PLD1: variants seen among roughly 807,000 people sequenced by gnomAD.
PLD1 encodes the protein phospholipase D1.
In PLD1, 112 loss-of-function variants were observed where a neutral mutation model predicts 137.1. The ratio of observed to expected loss-of-function variants is 0.82; its 90% CI spans 0.70 to 0.96. The LOEUF (loss-of-function observed/expected upper bound fraction) is 0.96. Among genes scored for constraint, PLD1 ranks in the 40% least tolerant of loss-of-function variants. PLD1 has a pLI of 0.00. For synonymous variants in PLD1, 431 were observed against 454.7 expected (o/e 0.95, Z 0.66); for missense variants, 1,321 against 1,342.0 (o/e 0.98, Z 0.24).
At chr3:171,777,010 C>T (rs1722614417) in intron 1 of PLD1, among the ~76,000 whole-genome samples, 4 of 151,988 alleles carry the variant, frequency 2.6e-5, no homozygotes, top group Admixed American at 1.3e-4. Context: ...TACATGACTT[C>T]CTTTTACACA....
chr3:171,736,767 G>GGCTA (rs1162721665), intron 3 of PLD1, among the ~76,000 whole-genome samples: 1 of 152,214 alleles, frequency 6.6e-6, no homozygotes, highest in African/African-American at 2.4e-5. Context: ...ACTCTGCCAT[G>GGCTA]GCTAGATCTT....
At chr3:171,709,512 A>T in intron 10 of PLD1, 48 bp downstream of exon 10, 1 of 1,558,468 alleles carries the variant, frequency 6.4e-7, no homozygotes, top group Non-Finnish European at 8.8e-7. Context: ...CCAGTGTAAT[A>T]TTAGATGCTA....
At chr3:171,670,486 T>G (rs1448660598) in intron 19 of PLD1, among the ~76,000 whole-genome samples, 1 of 152,218 alleles carries the variant, frequency 6.6e-6, no homozygotes, top group African/African-American at 2.4e-5. Flanking sequence ...AGCAATTCAT[T>G]CCCTACTTAC....
Position 171,764,874 on chromosome 3 carries a change from A to G in PLD1, c.-31-26792T>C, listed in dbSNP as rs1177256161. 1.9e-3 allele frequency among the ~76,000 whole-genome samples: 46 copies of G among 23,732 alleles called. 2 individuals carry two copies. Among genetic ancestry groups the G allele is most frequent in the African/African-American group, 4.0e-3 (23 of 5,710 alleles). The allele number at this position is 23,732 out of a possible 152,430, so 15.6% of individuals were successfully genotyped here. On this transcript the variant is annotated intron_variant, in intron 1 of 26. Coordinates refer to ENST00000351298, the MANE Select transcript of PLD1 (RefSeq NM_002662.5). ...AAGAAAGAAAGAAAGAAAGAAAGAAAGAAAGAAAGAAAGAAAGAAAGGAAG... is the reference window on the plus strand; with the variant it reads ...AAGAAAGAAAGAAAGAAAGAAAGAAGGAAAGAAAGAAAGAAAGAAAGGAAG...
chr3:171,723,911 C>A (rs1256481535), intron 8 of PLD1, among the ~76,000 whole-genome samples: 1 of 152,070 alleles, frequency 6.6e-6, no homozygotes, highest in Non-Finnish European at 1.5e-5. Flanking sequence ...TGGTTTATCT[C>A]TTCACTTTGT....
intron 1 of PLD1, among the ~76,000 whole-genome samples, chr3:171,767,158 T>A (rs1310212910): frequency 1.3e-5 from 2 of 152,238 alleles, no homozygotes; most frequent in African/African-American, 4.8e-5. Context: ...AGTGGCTTTA[T>A]TATTTTAGCC....
chr3:171,738,136 C>G, intron 1 of PLD1, 54 bp from the exon 2 acceptor site: 1 of 1,074,510 alleles, frequency 9.3e-7, no homozygotes. Flanking sequence ...ACATAAAATG[C>G]TATTCCACAA....
Position 171,733,493 on chromosome 3 carries a change from TA to T in PLD1, c.556del (p.Tyr186ThrfsTer2). The T allele has an allele frequency of 7.7e-7, 1 of 1,305,464 alleles. No individual in the cohort carries two copies. The highest frequency in any genetic ancestry group is 1.1e-6 in the Non-Finnish European group (1 of 903,406). 80.9% of individuals were successfully genotyped at this position (1,305,464 alleles called of 1,614,324 possible). ...GGGCATTTTTAGTATCTTTGTCAAG[TA>T]ATCTTCCAGTTGTTTCTGTAATGCA... ...FLGRRKQLED[Y>X]LTKILKMPMY... On this transcript the variant is annotated frameshift_variant, in exon 6 of 27. Transcript: ENST00000351298. LOFTEE classifies it high-confidence loss of function.
chr3:171,808,514 C>A (rs13072966), intron 1 of PLD1, among the ~76,000 whole-genome samples: 52,025 of 151,790 alleles, frequency 0.34, 9,293 homozygotes, highest in Middle Eastern at 0.52. Context: ...CCAGCCTGGG[C>A]GACAGAGCGA....
chr3:171,690,067 G>A (rs917449960), intron 13 of PLD1, among the ~76,000 whole-genome samples: 1 of 152,162 alleles, frequency 6.6e-6, no homozygotes, highest in Non-Finnish European at 1.5e-5. Context: ...ACCAGTTAAA[G>A]GTCTATTTAG....
At chr3:171,650,689 G>A (rs944648551) in intron 21 of PLD1, among the ~76,000 whole-genome samples, 1 of 152,158 alleles carries the variant, frequency 6.6e-6, no homozygotes, top group African/African-American at 2.4e-5. Flanking sequence ...TAGAAATTCA[G>A]ATGAACTCTA....
intron 1 of PLD1, among the ~76,000 whole-genome samples, chr3:171,764,831 G>T (rs1016221048): frequency 2.6e-4 from 2 of 7,696 alleles, no homozygotes; most frequent in African/African-American, 9.0e-4. Flanking sequence ...GAAAGAGAAA[G>T]AAAGAAAGAA....
At chr3:171,712,408 T>C (rs1312187573) in intron 9 of PLD1, among the ~76,000 whole-genome samples, 2 of 152,112 alleles carry the variant, frequency 1.3e-5, no homozygotes, top group East Asian at 3.9e-4. Context: ...GAGAAGACTT[T>C]ACAGAAGAGA....
intron 1 of PLD1, among the ~76,000 whole-genome samples, chr3:171,791,152 T>C (rs888470042): frequency 6.6e-6 from 1 of 152,234 alleles, no homozygotes; most frequent in Non-Finnish European, 1.5e-5. Context: ...CCACAAACTT[T>C]AATTCCCATG....
rs775490774 is a variant in PLD1 at position 171,662,150 on chromosome 3, A to G, written c.2250T>C (p.Asp750=). The part of the protein sequence containing the change: ...ANVQLLRSAA[D]WSAGIKYHEE... ...CATGGTACTTTATACCAGCAGACCAATCAGCAGCAGAGCGGAGCAACTACA... is the reference window on the plus strand; with the variant it reads ...CATGGTACTTTATACCAGCAGACCAGTCAGCAGCAGAGCGGAGCAACTACA... Residue 750 remains aspartate (D), a synonymous_variant, in exon 20 of 27, where the codon GAT becomes GAC. Coordinates refer to ENST00000351298, the MANE Select transcript of PLD1 (RefSeq NM_002662.5). 7.4e-6 allele frequency: 12 copies of G among 1,612,494 alleles called. No individual in the cohort carries two copies. The highest frequency in any genetic ancestry group is 6.6e-5 in the South Asian group (6 of 91,036).
intron 3 of PLD1, among the ~76,000 whole-genome samples, chr3:171,736,653 C>T (rs1425318434): frequency 1.3e-5 from 2 of 152,146 alleles, no homozygotes; most frequent in Non-Finnish European, 2.9e-5. Context: ...AGCAATGCAG[C>T]GCATGCCACC....
In PLD1 at chr3:171,612,059, T is replaced by C. The variant is rs1346006276; in HGVS notation, c.2882+220A>G. ...ACTGCACCACTGCAGTTTTTTCTAC[T>C]GCACGTGACAGTAATAAAAAGCTAT... On this transcript the variant is annotated intron_variant, in intron 25 of 26. Coordinates refer to ENST00000351298, the MANE Select transcript of PLD1 (RefSeq NM_002662.5). The surrounding 1 kb of genome is among the most constrained non-coding windows in gnomAD (Gnocchi z 4.1). Among the ~76,000 whole-genome samples, 5 of 152,190 alleles carry C rather than the reference T, an allele frequency of 3.3e-5. No homozygotes were observed. Among genetic ancestry groups the C allele is most frequent in the Non-Finnish European group, 5.9e-5 (4 of 68,036 alleles).
chr3:171,768,684 G>A (rs962676921), intron 1 of PLD1, among the ~76,000 whole-genome samples: 5 of 152,180 alleles, frequency 3.3e-5, no homozygotes, highest in African/African-American at 1.2e-4. Context: ...GCCAATTCAA[G>A]TTAAAAAAGT....
chr3:171,607,257 G>A (rs1447257461), intron 25 of PLD1, among the ~76,000 whole-genome samples: 2 of 152,100 alleles, frequency 1.3e-5, no homozygotes, highest in Non-Finnish European at 1.5e-5. Context: ...GAGACCCAAA[G>A]CACAATTTTA....
Sources: gnomAD v4.1 joint callset for allele counts (sites outside exome capture counted in the v4.1 genomes callset) on GRCh38, gnomAD v4.1.1 for gene constraint, Gnocchi (gnomAD v3.1) non-coding constraint, MANE v1.5 for transcripts, NCBI Gene and HGNC (gene_info 2026-07-23, HGNC 2026-07-21) for gene names.